Variants in CAPN11 observed in about 807,000 individuals in gnomAD.
CAPN11 encodes the protein calpain-11.
CAPN11 carries 108 observed loss-of-function variants against 105.3 expected under a neutral mutation model. That is an observed-to-expected ratio of 1.03 (90% CI 0.88 to 1.20). CAPN11 has a LOEUF of 1.20. Among genes scored for constraint, CAPN11 ranks in the 50% most tolerant of loss-of-function variants. The probability of loss-of-function intolerance (pLI) is 0.00; values close to 1 mark genes in which losing one functional copy is unlikely to be tolerated. For synonymous variants in CAPN11, 329 were observed against 344.5 expected, an observed-to-expected ratio of 0.96 and a Z score of 0.50; for missense variants, 883 against 924.8, an observed-to-expected ratio of 0.95 and a Z score of 0.59.
chr6:44,172,182 G>T, intron 4 of CAPN11, 120 bp from the exon 5 acceptor site: 1 of 592,624 alleles, frequency 1.7e-6, no homozygotes, highest in Admixed American at 3.3e-5. Flanking sequence ...GTGCCTCTCC[G>T]CCGGGGGGGT....
At chr6:44,181,593 T>C (rs1429814858) in intron 19 of CAPN11, among the ~76,000 whole-genome samples, 10 of 11,734 alleles carry the variant, frequency 8.5e-4, no homozygotes, top group Admixed American at 1.1e-3. Flanking sequence ...CACACTCACA[T>C]ACAGACACAA....
intron 15 of CAPN11, 25 bp from the exon 16 acceptor site, chr6:44,180,572 C>G: frequency 1.2e-6 from 2 of 1,613,696 alleles, no homozygotes; most frequent in Middle Eastern, 3.3e-4. Flanking sequence ...CTGACCAGGT[C>G]CCTTTCCTGC....
intron 7 of CAPN11, among the ~76,000 whole-genome samples, 198 bp downstream of exon 7, chr6:44,173,584 G>T (rs62401125): frequency 2.6e-4 from 39 of 148,810 alleles, no homozygotes; most frequent in Middle Eastern, 3.4e-3. Context: ...TTTTTTGTTT[G>T]TTTGTTTTGT....
At chr6:44,174,616 C>CT (rs56119973) in intron 7 of CAPN11, among the ~76,000 whole-genome samples, 1,097 of 81,496 alleles carry the variant, frequency 0.013, 43 homozygotes, top group African/African-American at 0.038. Flanking sequence ...TCACGATATT[C>CT]TTTTTTTTTT....
intron 19 of CAPN11, 71 bp from the exon 20 acceptor site, chr6:44,182,870 G>A (rs1243749826): frequency 1.4e-5 from 16 of 1,180,664 alleles, no homozygotes; most frequent in East Asian, 1.3e-4. Context: ...CACCGCGCCC[G>A]GCCTCAGTAT....
At chr6:44,176,723 C>T (rs555175850) in intron 10 of CAPN11, 68 bp downstream of exon 10, 15 of 1,562,742 alleles carry the variant, frequency 9.6e-6, no homozygotes, top group Non-Finnish European at 1.2e-5. Flanking sequence ...CCCTGCTCCG[C>T]TCCTCTCTGT....
rs1360158686 is a variant in CAPN11 at position 44,184,304 on chromosome 6, C to T, written c.*372C>T. The T allele has an allele frequency of 3.4e-6, 1 of 295,572 alleles. No individual in the cohort carries two copies. The highest frequency in any genetic ancestry group is 2.1e-5 in the African/African-American group (1 of 47,102). The allele number at this position is 295,572 out of a possible 1,614,324, so 18.3% of individuals were successfully genotyped here. A position where few individuals can be genotyped will look rare whatever the true frequency, so the allele number is the denominator to read the frequency against. ...GTTTCTTACCCTCCATGCTTGCTGT[C>T]CTGCTCACACCTACCTGCTGACCAC... On this transcript the variant is annotated 3_prime_UTR_variant, in exon 23 of 23. Coordinates refer to ENST00000398776, the MANE Select transcript of CAPN11 (RefSeq NM_007058.4).
intron 3 of CAPN11, 136 bp from the exon 4 acceptor site, chr6:44,169,770 G>A (rs1336922954): frequency 1.3e-5 from 10 of 781,720 alleles, no homozygotes; most frequent in Non-Finnish European, 1.5e-5. Flanking sequence ...ATGCCAAGTT[G>A]GTCCTGTACC....
At chr6:44,181,794 CAT>C (rs1355215446) in intron 19 of CAPN11, among the ~76,000 whole-genome samples, 3 of 44,950 alleles carry the variant, frequency 6.7e-5, no homozygotes, top group African/African-American at 3.4e-4. Flanking sequence ...CACACACACA[CAT>C]ACACACTCAC....
At position 44,180,583 on chromosome 6, in the gene CAPN11, TCCCCGGCCCC is replaced by T; in HGVS notation, c.1681-12_1681-3del. Reference sequence around the variant, plus strand: ...TTTTCTGACCAGGTCCCTTTCCTGCTCCCCGGCCCCCAGGAAAAGGTCTCTGAGGATGACA... The same window carrying T: ...TTTTCTGACCAGGTCCCTTTCCTGCTCAGGAAAAGGTCTCTGAGGATGACA... On this transcript the variant is annotated splice_polypyrimidine_tract_variant and splice_region_variant and intron_variant, in intron 15 of 22. Coordinates refer to ENST00000398776, the MANE Select transcript of CAPN11 (RefSeq NM_007058.4). 1.2e-6 allele frequency: 2 copies of T among 1,613,634 alleles called. No homozygotes were observed. Among genetic ancestry groups the T allele is most frequent in the Non-Finnish European group, 1.7e-6 (2 of 1,179,772 alleles).
chr6:44,170,206 G>T (rs1770726523), intron 4 of CAPN11, among the ~76,000 whole-genome samples: 1 of 152,094 alleles, frequency 6.6e-6, no homozygotes, highest in Non-Finnish European at 1.5e-5. Flanking sequence ...CTTGCGGGGG[G>T]AATATTAGTT....
At chr6:44,176,186 C>CCCTT in intron 8 of CAPN11, 35 bp downstream of exon 8, 1 of 1,605,994 alleles carries the variant, frequency 6.2e-7, no homozygotes, top group Non-Finnish European at 8.5e-7. Context: ...CCCTGAGGAC[C>CCCTT]CTGAGAAGGA....
chr6:44,166,619 C>G lies in CAPN11; in HGVS notation c.17-139C>G, dbSNP rs1028118478. ...CTCACCTCTAAACAACCCCAGAACC[C>G]TGCTGCCCTCCCTGTAGCTGCGCCC... On this transcript the variant is annotated intron_variant, in intron 1 of 22. Transcript: ENST00000398776. 43 of 662,822 alleles carry G rather than the reference C, an allele frequency of 6.5e-5. No homozygotes were observed. In the African/African-American group the frequency reaches 7.4e-4, roughly 11 times the overall value. The allele number at this position is 662,822 out of a possible 1,614,324, so 41.1% of individuals were successfully genotyped here. A position where few individuals can be genotyped will look rare whatever the true frequency, so the allele number is the denominator to read the frequency against.
chr6:44,183,846 C>A (rs1176168766), intron 22 of CAPN11, 60 bp from the exon 23 acceptor site: 16 of 1,575,900 alleles, frequency 1.0e-5, no homozygotes, highest in Non-Finnish European at 1.4e-5. Context: ...TCTGATGTCC[C>A]CGGGCCAGCA....
In CAPN11 at chr6:44,184,047, G is replaced by C; in HGVS notation, c.*115G>C. 3 of 1,186,866 alleles carry C rather than the reference G, an allele frequency of 2.5e-6. No individual in the cohort carries two copies. The Middle Eastern group carries it at 7.6e-4, about 299-fold the overall frequency. 73.5% of individuals were successfully genotyped at this position (1,186,866 alleles called of 1,614,324 possible). A position where few individuals can be genotyped will look rare whatever the true frequency, so the allele number is the denominator to read the frequency against. The stretch of plus-strand genomic sequence containing the variant: ...CTCTCCGGTCTCTGCTGATGAAATG[G>C]GCTCCAGGTGGCAGTGCCCGGGTCC... On this transcript the variant is annotated 3_prime_UTR_variant, in exon 23 of 23. Coordinates refer to ENST00000398776, the MANE Select transcript of CAPN11 (RefSeq NM_007058.4).
At position 44,176,248 on chromosome 6, in the gene CAPN11, C is replaced by G; in HGVS notation, c.916-5C>G. ...TCTGACCTTTAACCACCCCCGCCCA[C>G]CCAGGTCCACTACAGAGGCAAAATG... On this transcript the variant is annotated splice_region_variant and splice_polypyrimidine_tract_variant and intron_variant, in intron 8 of 22. Coordinates refer to ENST00000398776, the MANE Select transcript of CAPN11 (RefSeq NM_007058.4). 2 of 1,561,558 alleles carry G rather than the reference C, an allele frequency of 1.3e-6. No homozygotes were observed. The highest frequency in any genetic ancestry group is 4.6e-5 in the East Asian group (2 of 43,952).
intron 10 of CAPN11, 77 bp downstream of exon 10, chr6:44,176,732 G>A: frequency 6.4e-7 from 1 of 1,568,010 alleles, no homozygotes; most frequent in Non-Finnish European, 8.7e-7. Context: ...GCTCCTCTCT[G>A]TGCCTTGGAT....
chr6:44,169,616 C>T, intron 3 of CAPN11, 85 bp downstream of exon 3: 2 of 1,334,970 alleles, frequency 1.5e-6, no homozygotes, highest in South Asian at 1.5e-5. Flanking sequence ...CTTCAATCTT[C>T]AACCCCCCAC....
intron 12 of CAPN11, among the ~76,000 whole-genome samples, chr6:44,178,026 A>T (rs1413337084): frequency 2.0e-5 from 3 of 151,104 alleles, no homozygotes; most frequent in Admixed American, 6.6e-5. Context: ...GTTTTTTAAA[A>T]TTTTTCGTAA....
Sources: gnomAD v4.1 joint callset for allele counts (sites outside exome capture counted in the v4.1 genomes callset) on GRCh38, gnomAD v4.1.1 for gene constraint, MANE v1.5 for transcripts, NCBI Gene and HGNC (gene_info 2026-07-23, HGNC 2026-07-21) for gene names.